Variants in HS3ST4 observed in about 807,000 individuals in gnomAD.
HS3ST4 encodes heparan sulfate-glucosamine 3-sulfotransferase 4, also known as heparan sulfate glucosamine 3-O-sulfotransferase 4.
In HS3ST4, 17 loss-of-function variants were observed where a neutral mutation model predicts 29.2. The observed-to-expected ratio is 0.58, with a 90% confidence interval of 0.40 to 0.87. The LOEUF (loss-of-function observed/expected upper bound fraction) is 0.87, where lower values mean the gene tolerates loss of function less well. HS3ST4 is among the 40% of genes least tolerant of loss of function. The pLI is 0.00. For synonymous variants in HS3ST4, 314 were observed against 285.7 expected, an observed-to-expected ratio of 1.10 and a Z score of -1.00; for missense variants, 627 against 634.5, an observed-to-expected ratio of 0.99 and a Z score of 0.13.
chr16:25,903,312 GTATATATTATA>G (rs1489081044), intron 1 of HS3ST4, among the ~76,000 whole-genome samples: 61 of 125,794 alleles, frequency 4.8e-4, no homozygotes, highest in East Asian at 1.5e-3. Flanking sequence ...GTATGTATAT[GTATATATTATA>G]TATATGTATA....
At chr16:25,975,529 C>T (rs1356802763) in intron 1 of HS3ST4, among the ~76,000 whole-genome samples, 1 of 152,112 alleles carries the variant, frequency 6.6e-6, no homozygotes, top group Non-Finnish European at 1.5e-5. Flanking sequence ...AAAACCTGCA[C>T]ATTTATGCCA....
intron 1 of HS3ST4, among the ~76,000 whole-genome samples, chr16:26,083,011 A>G (rs573592368): frequency 2.6e-5 from 4 of 152,246 alleles, no homozygotes; most frequent in Non-Finnish European, 5.9e-5. Flanking sequence ...TGCCAAGCAC[A>G]TAGAAAATGC....
chr16:26,009,315 A>G (rs532297549), intron 1 of HS3ST4, among the ~76,000 whole-genome samples: 3 of 152,292 alleles, frequency 2.0e-5, no homozygotes, highest in Admixed American at 6.5e-5. Flanking sequence ...GTCTTTCCCA[A>G]TAGATTCTGC....
chr16:26,033,325 G>A (rs1325993728), intron 1 of HS3ST4, among the ~76,000 whole-genome samples: 1 of 152,058 alleles, frequency 6.6e-6, no homozygotes, highest in African/African-American at 2.4e-5. Context: ...AGACCAGCCT[G>A]GCCAACATGG....
intron 1 of HS3ST4, among the ~76,000 whole-genome samples, chr16:25,971,408 C>T (rs1362103264): frequency 3.3e-5 from 5 of 152,128 alleles, no homozygotes; most frequent in South Asian, 4.1e-4. Flanking sequence ...ACCCAAACAT[C>T]GACTTCAGCA....
intron 1 of HS3ST4, among the ~76,000 whole-genome samples, chr16:25,780,168 T>A (rs1966851378): frequency 6.6e-6 from 1 of 152,212 alleles, no homozygotes; most frequent in Non-Finnish European, 1.5e-5. Flanking sequence ...GGATGCACCG[T>A]GTTCAATCCT....
chr16:25,808,761 C>A (rs1312962983), intron 1 of HS3ST4, among the ~76,000 whole-genome samples: 1 of 152,114 alleles, frequency 6.6e-6, no homozygotes, highest in Non-Finnish European at 1.5e-5. Flanking sequence ...CATGTCTTTT[C>A]ACTTATTTAG....
chr16:25,757,417 T>C (rs939621654), intron 1 of HS3ST4, among the ~76,000 whole-genome samples: 2 of 152,146 alleles, frequency 1.3e-5, no homozygotes, highest in Non-Finnish European at 2.9e-5. Context: ...ACTTTGCAGA[T>C]ATTGCATTTC....
intron 1 of HS3ST4, among the ~76,000 whole-genome samples, chr16:26,041,543 A>G (rs935263922): frequency 1.3e-5 from 2 of 152,156 alleles, no homozygotes; most frequent in African/African-American, 4.8e-5. Context: ...GATGCACTGA[A>G]ATAATGGGAG....
Position 25,927,298 on chromosome 16 carries a change from C to A in HS3ST4, c.735-208314C>A, listed in dbSNP as rs576439410. On this transcript the variant is annotated intron_variant, in intron 1 of 1. Transcript: ENST00000331351. Reference sequence around the variant, plus strand: ...GGATTCTTGGGAATTTTGAAAGATTCATGTTCAGCCTTTTGGGAATGTTGG... The same window carrying A: ...GGATTCTTGGGAATTTTGAAAGATTAATGTTCAGCCTTTTGGGAATGTTGG... 3.3e-5 allele frequency among the ~76,000 whole-genome samples: 5 copies of A among 152,232 alleles called. No homozygotes were observed. In the South Asian group the frequency reaches 1.0e-3, roughly 32 times the overall value.
chr16:26,112,772 A>G (rs1596685645), intron 1 of HS3ST4, among the ~76,000 whole-genome samples: 2 of 152,208 alleles, frequency 1.3e-5, no homozygotes, highest in African/African-American at 4.8e-5. Context: ...AAACATAGGG[A>G]AAAATCTCTT....
At chr16:25,960,083 C>A (rs1449217056) in intron 1 of HS3ST4, among the ~76,000 whole-genome samples, 2 of 152,116 alleles carry the variant, frequency 1.3e-5, no homozygotes, top group East Asian at 3.9e-4. Flanking sequence ...TTGCAGTAAG[C>A]CGAGATCATG....
intron 1 of HS3ST4, among the ~76,000 whole-genome samples, chr16:26,047,524 A>G (rs2141763077): frequency 6.6e-6 from 1 of 152,300 alleles, no homozygotes; most frequent in East Asian, 1.9e-4. Flanking sequence ...CCTTAAAACA[A>G]CCTTGAAGGA....
chr16:25,735,796 A>T (rs550309662), intron 1 of HS3ST4, among the ~76,000 whole-genome samples: 1 of 152,210 alleles, frequency 6.6e-6, no homozygotes, highest in African/African-American at 2.4e-5. Flanking sequence ...GCCCAGATTC[A>T]GTTACATACT....
In HS3ST4 at chr16:26,135,903, C is replaced by A. The variant is rs1596694545; in HGVS notation, c.1026C>A (p.Asn342Lys). Reference sequence around the variant, plus strand: ...GGATCTATGCGCTGCATCTGGAAAACTGGCTCCAGTATTTCCCCCTCTCCC... The same window carrying A: ...GGATCTATGCGCTGCATCTGGAAAAATGGCTCCAGTATTTCCCCCTCTCCC... ...RIGIYALHLE[N>K]WLQYFPLSQI... Residue 342 changes from asparagine (N) to lysine (K), a missense_variant, in exon 2 of 2, where the codon AAC becomes AAA. This residue lies in a region of HS3ST4 where 225 missense variants were observed against 293.7 expected (regional missense o/e 0.77). Coordinates refer to ENST00000331351, the MANE Select transcript of HS3ST4 (RefSeq NM_006040.3). 6.2e-7 allele frequency: 1 copy of A among 1,613,998 alleles called. No individual in the cohort carries two copies. The highest frequency in any genetic ancestry group is 1.3e-5 in the African/African-American group (1 of 75,058).
chr16:25,716,074 G>A (rs956682651), intron 1 of HS3ST4, among the ~76,000 whole-genome samples: 3 of 152,206 alleles, frequency 2.0e-5, no homozygotes, highest in Non-Finnish European at 2.9e-5. Context: ...CTGGTGTGGC[G>A]ATGGTAGTGG....
At chr16:26,067,436 G>A (rs1898555509) in intron 1 of HS3ST4, among the ~76,000 whole-genome samples, 1 of 152,120 alleles carries the variant, frequency 6.6e-6, no homozygotes, top group Non-Finnish European at 1.5e-5. Flanking sequence ...TGGTGTCAAA[G>A]ATATTTGGGT....
At chr16:26,022,851 T>G (rs1224473015) in intron 1 of HS3ST4, among the ~76,000 whole-genome samples, 43 of 152,184 alleles carry the variant, frequency 2.8e-4, no homozygotes, top group Admixed American at 2.8e-3. Flanking sequence ...CTTTAATAAC[T>G]GTATTTTTAG....
intron 1 of HS3ST4, among the ~76,000 whole-genome samples, chr16:25,944,822 G>A (rs1968609467): frequency 6.6e-6 from 1 of 152,132 alleles, no homozygotes; most frequent in African/African-American, 2.4e-5. Context: ...ATCAATAAAA[G>A]CCCCCAGAAG....
Sources: allele counts gnomAD v4.1 joint callset (sites outside exome capture counted in the v4.1 genomes callset), GRCh38; gene constraint gnomAD v4.1.1; regional missense constraint gnomAD v4.1.1; transcripts MANE v1.5; gene names NCBI Gene and HGNC (gene_info 2026-07-23, HGNC 2026-07-21).